Variants in HSD17B2 observed in about 807,000 individuals in gnomAD.
HSD17B2 encodes hydroxysteroid 17-beta dehydrogenase 2.
HSD17B2 carries 32 observed loss-of-function variants against 26.9 expected under a neutral mutation model. The observed-to-expected ratio is 1.19, with a 90% confidence interval of 0.90 to 1.60. The LOEUF (loss-of-function observed/expected upper bound fraction) is 1.60. Among genes scored for constraint, HSD17B2 ranks in the 40% most tolerant of loss-of-function variants. The pLI is 0.00. For synonymous variants in HSD17B2, 246 were observed against 186.7 expected (o/e 1.32, Z -2.59); for missense variants, 613 against 468.6 (o/e 1.31, Z -2.85).
At chr16:82,091,164 G>C (rs761209344) in intron 4 of HSD17B2, 125 bp downstream of exon 4, 38 of 960,490 alleles carry the variant, frequency 4.0e-5, no homozygotes, top group Non-Finnish European at 1.9e-5. Flanking sequence ...CCAGAGATCA[G>C]TTAAAGGGGT....
chr16:82,044,498 G>C (rs1913858828), intron 1 of HSD17B2: 1 of 152,364 alleles, frequency 6.6e-6, no homozygotes, highest in Non-Finnish European at 1.5e-5. Context: ...TATAGGCTGG[G>C]AGGTTGGAAG....
At chr16:82,069,213 C>T (rs1229047090) in intron 2 of HSD17B2, among the ~76,000 whole-genome samples, 1 of 152,204 alleles carries the variant, frequency 6.6e-6, no homozygotes, top group African/African-American at 2.4e-5. Flanking sequence ...TGGCTTCCAG[C>T]TCCACCCATG....
chr16:82,058,477 G>A (rs58303770), intron 1 of HSD17B2, among the ~76,000 whole-genome samples: 4,376 of 152,142 alleles, frequency 0.029, 231 homozygotes, highest in African/African-American at 0.099. Context: ...AATAAAATCT[G>A]TTTTTTTAAA....
At chr16:82,076,349 A>G (rs1411615807) in intron 3 of HSD17B2, among the ~76,000 whole-genome samples, 1 of 152,190 alleles carries the variant, frequency 6.6e-6, no homozygotes, top group Non-Finnish European at 1.5e-5. Flanking sequence ...GCCCACTTTC[A>G]CCACTGTTAT....
chr16:82,098,184 G>C lies in HSD17B2; in HGVS notation c.912G>C (p.Arg304=), dbSNP rs546853904. The C allele has an allele frequency of 6.2e-7, 1 of 1,614,146 alleles. No homozygotes were observed. The highest frequency in any genetic ancestry group is 1.1e-5 in the South Asian group (1 of 91,078). ...DYGQDYILAQ[R]NFLLLINSLA... ...GCCAGGACTACATCTTAGCACAGCGGAATTTCCTCCTATTGATCAACTCGT... is the reference window on the plus strand; with the variant it reads ...GCCAGGACTACATCTTAGCACAGCGCAATTTCCTCCTATTGATCAACTCGT... Residue 304 remains arginine (R), a synonymous_variant, in exon 5 of 5, where the codon CGG becomes CGC. Coordinates refer to ENST00000199936, the MANE Select transcript of HSD17B2 (RefSeq NM_002153.3).
chr16:82,079,372 G>A (rs1050575040), intron 3 of HSD17B2, among the ~76,000 whole-genome samples: 1 of 152,026 alleles, frequency 6.6e-6, no homozygotes, highest in Admixed American at 6.6e-5. Flanking sequence ...CTCTCTCCTC[G>A]GCTTTCAGAT....
intron 1 of HSD17B2, among the ~76,000 whole-genome samples, chr16:82,042,685 G>A (rs371336274): frequency 1.3e-5 from 2 of 151,994 alleles, no homozygotes; most frequent in East Asian, 2.0e-4. Flanking sequence ...GCAATGGCAC[G>A]ATCTCGGCTC....
intron 2 of HSD17B2, 24 bp downstream of exon 2, chr16:82,068,406 G>T: frequency 6.3e-7 from 1 of 1,578,114 alleles, no homozygotes; most frequent in Non-Finnish European, 8.6e-7. Context: ...CACCCTCAGT[G>T]CCTTTACCCT....
chr16:82,088,319 T>G (rs1289827440), intron 3 of HSD17B2, among the ~76,000 whole-genome samples: 1 of 152,186 alleles, frequency 6.6e-6, no homozygotes, highest in South Asian at 2.1e-4. Context: ...TAGAAAGCCC[T>G]TATATGGAGC....
At chr16:82,095,820 A>G (rs1904822318) in intron 4 of HSD17B2, 1 of 152,366 alleles carries the variant, frequency 6.6e-6, no homozygotes, top group South Asian at 2.1e-4. Flanking sequence ...TATAAACACC[A>G]TAGTATGATC....
At chr16:82,052,231 TGTTG>T (rs1387372339) in intron 1 of HSD17B2, 1 of 152,272 alleles carries the variant, frequency 6.6e-6, no homozygotes, top group Non-Finnish European at 1.5e-5. Context: ...TGCCCCTCTC[TGTTG>T]TTCAGGTGGG....
chr16:82,062,518 G>A (rs542706561), intron 1 of HSD17B2, among the ~76,000 whole-genome samples: 1 of 152,176 alleles, frequency 6.6e-6, no homozygotes. Flanking sequence ...TGGAGGATTT[G>A]AATATTTTAT....
intron 3 of HSD17B2, chr16:82,090,299 ATTGTTTTTTTTTTT>A: frequency 1.6e-5 from 1 of 63,274 alleles, no homozygotes; most frequent in Non-Finnish European, 2.6e-5. Context: ...CCTAAACTAC[ATTGTTTTTTTTTTT>A]TTTTTTTTTT....
intron 1 of HSD17B2, among the ~76,000 whole-genome samples, chr16:82,047,144 C>T (rs1260304472): frequency 6.6e-6 from 1 of 152,214 alleles, no homozygotes; most frequent in Non-Finnish European, 1.5e-5. Flanking sequence ...TCCTGATCTC[C>T]CTCCATTAGC....
intron 1 of HSD17B2, among the ~76,000 whole-genome samples, chr16:82,050,631 G>T (rs1163779030): frequency 1.3e-5 from 2 of 152,020 alleles, no homozygotes; most frequent in African/African-American, 2.4e-5. Flanking sequence ...CGAGCCCCCA[G>T]ATCCCACACC....
chr16:82,075,871 C>T (rs1904298604), intron 3 of HSD17B2, among the ~76,000 whole-genome samples: 1 of 146,558 alleles, frequency 6.8e-6, no homozygotes, highest in African/African-American at 2.5e-5. Flanking sequence ...CCTATGAGCC[C>T]TATATCATTC....
At chr16:82,069,312 C>A (rs967026271) in intron 2 of HSD17B2, among the ~76,000 whole-genome samples, 1 of 152,282 alleles carries the variant, frequency 6.6e-6, no homozygotes, top group South Asian at 2.1e-4. Context: ...TCCAGTCTAT[C>A]ATTGATGGGC....
intron 4 of HSD17B2, chr16:82,095,761 G>A (rs1904821237): frequency 1.3e-5 from 2 of 152,226 alleles, no homozygotes. Flanking sequence ...ACATTGACAA[G>A]AAGGGAGGTC....
At chr16:82,072,550 G>A (rs1293201585) in intron 3 of HSD17B2, among the ~76,000 whole-genome samples, 2 of 152,256 alleles carry the variant, frequency 1.3e-5, no homozygotes, top group East Asian at 3.9e-4. Context: ...TTGGCACACT[G>A]ACAAGGAGGT....
Sources: gnomAD v4.1 joint callset for allele counts (sites outside exome capture counted in the v4.1 genomes callset) on GRCh38, gnomAD v4.1.1 for gene constraint, MANE v1.5 for transcripts, NCBI Gene and HGNC (gene_info 2026-07-23, HGNC 2026-07-21) for gene names.